CAMTA1: variants seen among roughly 807,000 people sequenced by gnomAD.
CAMTA1 encodes the protein calmodulin-binding transcription activator 1.
Under a neutral mutation model 170.9 loss-of-function variants are expected in CAMTA1, and 27 were observed. The observed-to-expected ratio is 0.16, with a 90% confidence interval of 0.12 to 0.22. The LOEUF (loss-of-function observed/expected upper bound fraction) is 0.22. Ranked by LOEUF, CAMTA1 falls within the 10% of genes least tolerant of loss-of-function variation. The pLI, the probability that CAMTA1 is intolerant of heterozygous loss-of-function variation, is 1.00. For missense variants in CAMTA1, 1,619 were observed against 2,217.2 expected (o/e 0.73, Z 5.42); for synonymous variants, 833 against 891.5 (o/e 0.93, Z 1.17).
intron 4 of CAMTA1, among the ~76,000 whole-genome samples, chr1:7,096,002 G>T (rs983990380): frequency 2.0e-5 from 3 of 152,198 alleles, no homozygotes; most frequent in African/African-American, 7.2e-5. Flanking sequence ...GTTTATACCC[G>T]TTAGAAAGAG....
In CAMTA1 at chr1:7,368,508, A is replaced by C. The variant is rs140672448; in HGVS notation, c.439-99322A>C. On this transcript the variant is annotated intron_variant, in intron 5 of 22. Coordinates refer to ENST00000303635, the MANE Select transcript of CAMTA1 (RefSeq NM_015215.4). The stretch of plus-strand genomic sequence containing the variant: ...GATACCTAGCACACAAAGCAGTCCT[A>C]TTTGCCCATCTATGGCTGAGCAGAG... Among the ~76,000 whole-genome samples the C allele has an allele frequency of 2.1e-3, 318 of 152,224 alleles. 2 individuals carry two copies. Among genetic ancestry groups the C allele is most frequent in the African/African-American group, 7.5e-3 (310 of 41,534 alleles).
Position 7,630,247 on chromosome 1 carries a change from G to T in CAMTA1, c.511-10153G>T, listed in dbSNP as rs908159822. On this transcript the variant is annotated intron_variant, in intron 6 of 22. Transcript: ENST00000303635. ...GGACTGTTTCAGAGGCCTCTGGAAA[G>T]TGCAGGCAGACGGGACCCTCTGTCC... Among the ~76,000 whole-genome samples, 14 of 152,318 alleles carry T rather than the reference G, an allele frequency of 9.2e-5. No homozygotes were observed. In the East Asian group the frequency reaches 2.7e-3, roughly 29 times the overall value.
intron 5 of CAMTA1, among the ~76,000 whole-genome samples, chr1:7,448,056 G>C (rs1025032690): frequency 6.6e-6 from 1 of 152,182 alleles, no homozygotes; most frequent in Admixed American, 6.5e-5. Flanking sequence ...GCTCCTCTGC[G>C]GCCGCTGTCT....
chr1:6,912,977 T>C lies in CAMTA1; in HGVS notation c.234+87767T>C, dbSNP rs1399330537. On this transcript the variant is annotated intron_variant, in intron 3 of 22. Transcript: ENST00000303635. ...AACTCCAGCGCCCAGCGTGGAGTTA[T>C]TGCCTTGCCAGCACCTCCCTGTTTT... is the stretch of plus-strand genomic sequence containing the variant. 3.3e-5 allele frequency among the ~76,000 whole-genome samples: 5 copies of C among 152,324 alleles called. No individual in the cohort carries two copies. In the East Asian group the frequency reaches 7.7e-4, roughly 24 times the overall value.
chr1:7,311,985 A>G (rs1224491989), intron 5 of CAMTA1, among the ~76,000 whole-genome samples: 1 of 152,154 alleles, frequency 6.6e-6, no homozygotes, highest in African/African-American at 2.4e-5. Context: ...CCAGGAGTTT[A>G]TAAACAATTT....
At chr1:7,418,934 C>T (rs907070364) in intron 5 of CAMTA1, among the ~76,000 whole-genome samples, 4 of 151,620 alleles carry the variant, frequency 2.6e-5, no homozygotes, top group African/African-American at 9.8e-5. Context: ...ACACTGCAGC[C>T]AGAGGGATCT....
intron 1 of CAMTA1, among the ~76,000 whole-genome samples, chr1:6,786,062 G>A (rs1639198907): frequency 6.6e-6 from 1 of 151,746 alleles, no homozygotes; most frequent in Non-Finnish European, 1.5e-5. Flanking sequence ...GGGCGGCAGC[G>A]GCCGGCGCTC....
In CAMTA1 at chr1:7,396,603, T is replaced by C. The variant is rs570641316; in HGVS notation, c.439-71227T>C. Among the ~76,000 whole-genome samples, 20 of 152,338 alleles carry C rather than the reference T, an allele frequency of 1.3e-4. No individual in the cohort carries two copies. The South Asian group carries it at 3.9e-3, about 30-fold the overall frequency. On this transcript the variant is annotated intron_variant, in intron 5 of 22. Transcript: ENST00000303635. Reference sequence around the variant, plus strand: ...CTTAGAAGAAAAGCATTTAATTTTTTCCAGTTCAATATGATGTTAGCTGTG... The same window carrying C: ...CTTAGAAGAAAAGCATTTAATTTTTCCCAGTTCAATATGATGTTAGCTGTG...
chr1:7,734,094 T>A (rs924729573), intron 12 of CAMTA1, among the ~76,000 whole-genome samples: 5 of 152,130 alleles, frequency 3.3e-5, no homozygotes, highest in Admixed American at 6.5e-5. Context: ...ATTACAGGCA[T>A]GGGCCACCAC....
intron 6 of CAMTA1, among the ~76,000 whole-genome samples, chr1:7,632,657 T>C (rs112225856): frequency 0.026 from 3,922 of 152,326 alleles, 160 homozygotes; most frequent in African/African-American, 0.089. Context: ...TCAGCGGAGA[T>C]GGAGGAGCCG....
intron 5 of CAMTA1, among the ~76,000 whole-genome samples, chr1:7,312,354 A>G (rs1221054259): frequency 6.6e-6 from 1 of 151,374 alleles, no homozygotes; most frequent in Non-Finnish European, 1.5e-5. Context: ...TTGAGTGTCC[A>G]GAGCCTGTTT....
intron 4 of CAMTA1, among the ~76,000 whole-genome samples, chr1:7,157,448 C>A (rs2148731347): frequency 6.6e-6 from 1 of 151,734 alleles, no homozygotes; most frequent in South Asian, 2.1e-4. Flanking sequence ...TAAAAGGTAG[C>A]TATCAAAAGT....
At position 7,664,696 on chromosome 1, in the gene CAMTA1, C is replaced by A; in HGVS notation, c.2149C>A (p.His717Asn). The A allele has an allele frequency of 6.2e-7, 1 of 1,608,204 alleles. No individual in the cohort carries two copies. The highest frequency in any genetic ancestry group is 8.5e-7 in the Non-Finnish European group (1 of 1,176,168). The change falls in exon 9 of 23, where the codon CAC becomes AAC. Residue 717 changes from histidine to asparagine, a missense_variant. By Grantham distance (68) the His-to-Asn change is moderately conservative. This residue lies in a region of CAMTA1 where 731 missense variants were observed against 907.6 expected (regional missense o/e 0.81). Transcript: ENST00000303635. ...SGELQACSSE[H>N]YLQPETNGVI... ...GGAGCTGCAGGCTTGCAGCTCTGAG[C>A]ACTACCTGCAGCCGGAGACCAACGG...
intron 3 of CAMTA1, among the ~76,000 whole-genome samples, chr1:6,867,326 C>CT (rs908567324): frequency 8.6e-5 from 13 of 150,908 alleles, no homozygotes; most frequent in African/African-American, 1.5e-4. Context: ...GTAGTTTTCG[C>CT]TTTTTTTTTC....
chr1:6,879,789 T>A (rs1319503141), intron 3 of CAMTA1, among the ~76,000 whole-genome samples: 1 of 143,706 alleles, frequency 7.0e-6, no homozygotes, highest in Admixed American at 6.9e-5. Flanking sequence ...TGCGCCTAAT[T>A]TTTTTTTTTT....
At position 7,645,760 on chromosome 1, in the gene CAMTA1, G is replaced by A. The variant is rs547114031; in HGVS notation, c.664+5207G>A. ...GTGTCCTCTGCAGCACTGGGCGGGC[G>A]GCAGGAGGGCTGGCTGTGGAATCAG... On this transcript the variant is annotated intron_variant, in intron 7 of 22. Coordinates refer to ENST00000303635, the MANE Select transcript of CAMTA1 (RefSeq NM_015215.4). Among the ~76,000 whole-genome samples, 24 of 148,374 alleles carry A rather than the reference G, an allele frequency of 1.6e-4. No individual in the cohort carries two copies. The South Asian group carries it at 2.3e-3, about 14-fold the overall frequency.
At chr1:7,620,126 C>G (rs897406665) in intron 6 of CAMTA1, among the ~76,000 whole-genome samples, 1 of 152,104 alleles carries the variant, frequency 6.6e-6, no homozygotes, top group African/African-American at 2.4e-5. Context: ...AGTTGAACAT[C>G]GTGGTACCAG....
intron 3 of CAMTA1, among the ~76,000 whole-genome samples, chr1:6,932,950 C>T (rs1159769419): frequency 1.3e-5 from 2 of 152,042 alleles, no homozygotes; most frequent in African/African-American, 4.8e-5. Context: ...GTCTTTTCAT[C>T]CTCTTAACAG....
At chr1:7,564,020 T>C in intron 6 of CAMTA1, among the ~76,000 whole-genome samples, 1 of 151,966 alleles carries the variant, frequency 6.6e-6, no homozygotes, top group East Asian at 1.9e-4. Flanking sequence ...TCTAGAAGGG[T>C]CCTTTTGGTT....
Sources: allele counts gnomAD v4.1 joint callset (sites outside exome capture counted in the v4.1 genomes callset), GRCh38; gene constraint gnomAD v4.1.1; regional missense constraint gnomAD v4.1.1; transcripts MANE v1.5; gene names NCBI Gene and HGNC (gene_info 2026-07-23, HGNC 2026-07-21).